The following NEGR1 variants were observed in gnomAD, a reference collection of about 807,000 sequenced individuals.
NEGR1 encodes IgLON family member 4.
Under a neutral mutation model 40.9 loss-of-function variants are expected in NEGR1, and 10 were observed. That is an observed-to-expected ratio of 0.24 (90% CI 0.15 to 0.42). The LOEUF (loss-of-function observed/expected upper bound fraction) is 0.42, where lower values mean the gene tolerates loss of function less well. NEGR1 is among the 10% of genes least tolerant of loss of function. The pLI, the probability that NEGR1 is intolerant of heterozygous loss-of-function variation, is 1.00. For missense variants in NEGR1, 352 were observed against 438.9 expected (o/e 0.80, Z 1.77); for synonymous variants, 185 against 166.8 (o/e 1.11, Z -0.84).
chr1:71,526,416 G>A (rs1647218014), intron 6 of NEGR1, among the ~76,000 whole-genome samples: 1 of 151,396 alleles, frequency 6.6e-6, no homozygotes, highest in Non-Finnish European at 1.5e-5. Context: ...CACAGTAATA[G>A]TATTCTCCTG....
At chr1:71,579,603 A>ATTTTTT (rs36097070) in intron 6 of NEGR1, among the ~76,000 whole-genome samples, 2 of 138,880 alleles carry the variant, frequency 1.4e-5, no homozygotes, top group Non-Finnish European at 1.5e-5. Flanking sequence ...ACTACTTAAG[A>ATTTTTT]TTTTTTTTTT....
chr1:71,996,148 A>C (rs1249074808), intron 1 of NEGR1, among the ~76,000 whole-genome samples: 2 of 152,164 alleles, frequency 1.3e-5, no homozygotes, highest in African/African-American at 4.8e-5. Flanking sequence ...ATGTATAATA[A>C]ATATGAAATA....
intron 1 of NEGR1, among the ~76,000 whole-genome samples, chr1:72,074,284 A>G (rs182209240): frequency 2.0e-5 from 3 of 152,208 alleles, no homozygotes; most frequent in African/African-American, 7.2e-5. Context: ...TGGTCAGTTG[A>G]TTATAATTCA....
chr1:71,976,024 C>G (rs1396688004), intron 1 of NEGR1, among the ~76,000 whole-genome samples: 1 of 152,186 alleles, frequency 6.6e-6, no homozygotes, highest in Non-Finnish European at 1.5e-5. Flanking sequence ...TTTCATAAAT[C>G]CGCGATAAAC....
intron 2 of NEGR1, among the ~76,000 whole-genome samples, chr1:71,896,893 A>T (rs548263305): frequency 2.6e-5 from 4 of 152,262 alleles, no homozygotes; most frequent in Admixed American, 2.6e-4. Context: ...TTCCATTTAA[A>T]TTATTATGTC....
intron 1 of NEGR1, among the ~76,000 whole-genome samples, chr1:71,961,120 C>A (rs938699830): frequency 2.6e-5 from 4 of 152,214 alleles, no homozygotes; most frequent in African/African-American, 7.2e-5. Context: ...ATTTTAGGCT[C>A]ACTAAGAAGC....
chr1:71,835,043 C>A (rs1658976827), intron 2 of NEGR1, among the ~76,000 whole-genome samples: 1 of 152,060 alleles, frequency 6.6e-6, no homozygotes, highest in African/African-American at 2.4e-5. Flanking sequence ...AGGCTTTTTT[C>A]CATGGTCTTT....
chr1:71,929,958 C>T (rs1165493402), intron 2 of NEGR1, among the ~76,000 whole-genome samples: 1 of 152,058 alleles, frequency 6.6e-6, no homozygotes, highest in Non-Finnish European at 1.5e-5. Context: ...AGTAATTGCT[C>T]TCCAGATAAT....
At chr1:72,027,946 T>C (rs942346335) in intron 1 of NEGR1, among the ~76,000 whole-genome samples, 1 of 152,228 alleles carries the variant, frequency 6.6e-6, no homozygotes, top group Non-Finnish European at 1.5e-5. Context: ...AGAAACACTG[T>C]ACTAGATTTT....
intron 6 of NEGR1, among the ~76,000 whole-genome samples, chr1:71,574,160 T>C (rs558178371): frequency 6.6e-6 from 1 of 152,210 alleles, no homozygotes; most frequent in African/African-American, 2.4e-5. Flanking sequence ...AAACTCAATA[T>C]TGTTCTCTTG....
rs1570103269 is a variant in NEGR1 at position 71,611,070 on chromosome 1, T to C, written c.744A>G (p.Ala248=). ...ATTCAAAGGCTGGAGGCGGCACACC[T>C]GCACCTTCACATCTTATCAGGCCAC... ...GRSGLIRCEG[A]GVPPPAFEWY... Residue 248 remains alanine, a synonymous_variant, in exon 5 of 7, where the codon GCA becomes GCG. Coordinates refer to ENST00000357731, the MANE Select transcript of NEGR1 (RefSeq NM_173808.3). The C allele has an allele frequency of 6.2e-7, 1 of 1,613,770 alleles. No individual in the cohort carries two copies. Among genetic ancestry groups the C allele is most frequent in the African/African-American group, 1.3e-5 (1 of 74,910 alleles).
intron 2 of NEGR1, among the ~76,000 whole-genome samples, chr1:71,899,960 G>A (rs182306106): frequency 1.3e-5 from 2 of 152,186 alleles, no homozygotes; most frequent in Admixed American, 1.3e-4. Context: ...GGGAATATTC[G>A]CCAAGAGTTA....
chr1:71,534,822 G>A (rs1167395083), intron 6 of NEGR1, among the ~76,000 whole-genome samples: 1 of 151,506 alleles, frequency 6.6e-6, no homozygotes, highest in African/African-American at 2.4e-5. Context: ...GGGGCTTATT[G>A]ACTATAAAAT....
chr1:72,008,058 T>A (rs1646623807), intron 1 of NEGR1, among the ~76,000 whole-genome samples: 1 of 152,176 alleles, frequency 6.6e-6, no homozygotes, highest in African/African-American at 2.4e-5. Context: ...TTTGGAGATT[T>A]TTTTTTCTCC....
intron 1 of NEGR1, among the ~76,000 whole-genome samples, chr1:72,242,718 C>T (rs1008058148): frequency 6.6e-6 from 1 of 151,608 alleles, no homozygotes; most frequent in South Asian, 2.1e-4. Context: ...TTTAATCCCA[C>T]CACAAAGCTA....
At chr1:72,134,183 T>C (rs1384924599) in intron 1 of NEGR1, among the ~76,000 whole-genome samples, 6 of 151,918 alleles carry the variant, frequency 3.9e-5, no homozygotes, top group Admixed American at 3.9e-4. Flanking sequence ...ATGATGATGA[T>C]TATTTTGGGG....
chr1:71,885,311 C>A (rs191644843), intron 2 of NEGR1, among the ~76,000 whole-genome samples: 128 of 152,308 alleles, frequency 8.4e-4, no homozygotes, highest in African/African-American at 2.6e-3. Flanking sequence ...CTAGAGAGAA[C>A]ACTCACATTA....
At chr1:71,815,200 A>G (rs1458472723) in intron 2 of NEGR1, among the ~76,000 whole-genome samples, 2 of 151,958 alleles carry the variant, frequency 1.3e-5, no homozygotes, top group African/African-American at 4.8e-5. Context: ...TTCCATTTCC[A>G]TGTATTTGTG....
chr1:72,094,268 G>A (rs1331232925), intron 1 of NEGR1, among the ~76,000 whole-genome samples: 1 of 152,112 alleles, frequency 6.6e-6, no homozygotes, highest in Non-Finnish European at 1.5e-5. Flanking sequence ...GAAAATGAAA[G>A]ATAACACATT....
Sources: allele counts gnomAD v4.1 joint callset (sites outside exome capture counted in the v4.1 genomes callset), GRCh38; gene constraint gnomAD v4.1.1; transcripts MANE v1.5; gene names NCBI Gene and HGNC (gene_info 2026-07-23, HGNC 2026-07-21).